SLC25A16: variants seen among roughly 807,000 people sequenced by gnomAD.
SLC25A16 encodes mitochondrial coenzyme A transporter SLC25A16.
In SLC25A16, 39 loss-of-function variants were observed where a neutral mutation model predicts 41.5. The observed-to-expected ratio is 0.94, with a 90% CI of 0.73 to 1.23. The LOEUF (loss-of-function observed/expected upper bound fraction) is 1.23. Among genes scored for constraint, SLC25A16 ranks in the 50% most tolerant of loss-of-function variants. The pLI is 0.00. For missense variants in SLC25A16, 421 were observed against 426.9 expected, an observed-to-expected ratio of 0.99 and a Z score of 0.12; for synonymous variants, 146 against 147.8, an observed-to-expected ratio of 0.99 and a Z score of 0.09.
Position 68,499,906 on chromosome 10 carries a change from C to T in SLC25A16, c.421+3726G>A, listed in dbSNP as rs147751681. On this transcript the variant is annotated intron_variant, in intron 4 of 8. Transcript: ENST00000609923. ...GATTCCTGAACAGAAAGCCAAATCT[C>T]GCCAAGTAGGAAAGGAAAAGGGCAA... 75 of 578,798 alleles carry T rather than the reference C, an allele frequency of 1.3e-4. No homozygotes were observed. The East Asian group carries it at 1.7e-3, about 13-fold the overall frequency. The allele number at this position is 578,798 out of a possible 1,614,324, so 35.9% of individuals were successfully genotyped here.
At position 68,488,505 on chromosome 10, in the gene SLC25A16, A is replaced by T; in HGVS notation, c.735T>A (p.Leu245=). The T allele has an allele frequency of 1.3e-6, 2 of 1,570,448 alleles. No individual in the cohort carries two copies. Among genetic ancestry groups the T allele is most frequent in the Non-Finnish European group, 1.7e-6 (2 of 1,167,448 alleles). ...VLVLKTHVNL[L]CGGVAGAIAQ... ...CTATTGCTCCAGCAACACCACCACA[A>T]AGTAAGTTTACATGAGTTTTCAAAA... Residue 245 remains leucine (L), a synonymous_variant, in exon 7 of 9, where the codon CTT becomes CTA. Transcript: ENST00000609923.
In SLC25A16 at chr10:68,479,958, C is replaced by A. The variant is rs1337309582; in HGVS notation, c.*3474G>T. 6.6e-6 allele frequency: 1 copy of A among 151,370 alleles called. No individual in the cohort carries two copies. The highest frequency in any genetic ancestry group is 2.4e-5 in the African/African-American group (1 of 41,092). The allele number at this position is 151,370 out of a possible 1,614,324, so 9.4% of individuals were successfully genotyped here. ...ACCCGGAGGTGGAGATTGCAGTGAGCCGAGATTGCACCACTGCACTCCAGC... is the reference window on the plus strand; with the variant it reads ...ACCCGGAGGTGGAGATTGCAGTGAGACGAGATTGCACCACTGCACTCCAGC... On this transcript the variant is annotated 3_prime_UTR_variant, in exon 9 of 9. Coordinates refer to ENST00000609923, the MANE Select transcript of SLC25A16 (RefSeq NM_152707.4).
At chr10:68,490,360 G>C (rs1043525361) in intron 6 of SLC25A16, among the ~76,000 whole-genome samples, 2 of 127,518 alleles carry the variant, frequency 1.6e-5, no homozygotes, top group African/African-American at 5.8e-5. Context: ...TTTTTTTTTT[G>C]AAACAGAGTT....
intron 2 of SLC25A16, among the ~76,000 whole-genome samples, chr10:68,516,164 G>T (rs1294116115): frequency 6.6e-6 from 1 of 151,926 alleles, no homozygotes; most frequent in Non-Finnish European, 1.5e-5. Context: ...TTTATTTTTT[G>T]CAGAAAGGGT....
intron 4 of SLC25A16, among the ~76,000 whole-genome samples, chr10:68,502,744 G>C (rs990869665): frequency 8.5e-6 from 1 of 118,250 alleles, no homozygotes; most frequent in Non-Finnish European, 1.8e-5. Context: ...AAAAAGGAGA[G>C]GAGAGGAGAG....
chr10:68,497,947 C>T (rs889650711), intron 4 of SLC25A16, among the ~76,000 whole-genome samples: 2 of 151,954 alleles, frequency 1.3e-5, no homozygotes, highest in Non-Finnish European at 2.9e-5. Context: ...CATTGTGTTG[C>T]CCAGGCTAGT....
chr10:68,486,264 ATAT>A (rs2052561708), intron 8 of SLC25A16, among the ~76,000 whole-genome samples: 1 of 147,664 alleles, frequency 6.8e-6, no homozygotes, highest in South Asian at 2.1e-4. Context: ...CTCTAAAATA[ATAT>A]TTTTTTTTAT....
chr10:68,497,600 A>G (rs1308990406), intron 4 of SLC25A16, among the ~76,000 whole-genome samples: 2 of 149,806 alleles, frequency 1.3e-5, no homozygotes, highest in African/African-American at 4.9e-5. Flanking sequence ...TCTTACTTCT[A>G]ACATCTTTTT....
At chr10:68,507,733 A>G (rs1037160244) in intron 2 of SLC25A16, among the ~76,000 whole-genome samples, 2 of 152,158 alleles carry the variant, frequency 1.3e-5, no homozygotes, top group Non-Finnish European at 2.9e-5. Flanking sequence ...TACTTCCATT[A>G]TTCAACAATT....
intron 4 of SLC25A16, among the ~76,000 whole-genome samples, chr10:68,502,261 C>T (rs530170990): frequency 3.5e-4 from 53 of 151,516 alleles, no homozygotes; most frequent in African/African-American, 1.1e-3. Flanking sequence ...TACCTTAGAA[C>T]GGGGAGAAAA....
intron 4 of SLC25A16, among the ~76,000 whole-genome samples, chr10:68,502,977 G>A (rs936046707): frequency 6.9e-6 from 1 of 145,918 alleles, no homozygotes; most frequent in African/African-American, 2.5e-5. Context: ...GGAGAGTGGA[G>A]AGGAGAGGGA....
chr10:68,527,456 A>C lies in SLC25A16; in HGVS notation c.-81T>G. 2 of 1,346,116 alleles carry C rather than the reference A, an allele frequency of 1.5e-6. No homozygotes were observed. Among genetic ancestry groups the C allele is most frequent in the African/African-American group, 1.6e-5 (1 of 64,280 alleles). 83.4% of individuals were successfully genotyped at this position (1,346,116 alleles called of 1,614,324 possible). A position where few individuals can be genotyped will look rare whatever the true frequency, so the allele number is the denominator to read the frequency against. On this transcript the variant is annotated 5_prime_UTR_variant, in exon 1 of 9. Transcript: ENST00000609923. ...GACCATAGCCGGAACAGGCGGTGAC[A>C]GGAGGCTGACCGCCCCGCCGGCGGG... is the stretch of plus-strand genomic sequence containing the variant.
Position 68,517,079 on chromosome 10 carries a change from A to T in SLC25A16, c.131-236T>A. ...ATTTTAGTAGTGTAAATCGTCATCTAATACCTGAGGAAGGCTGGGAATCTT... is the reference window on the plus strand; with the variant it reads ...ATTTTAGTAGTGTAAATCGTCATCTTATACCTGAGGAAGGCTGGGAATCTT... On this transcript the variant is annotated intron_variant, in intron 1 of 8. Transcript: ENST00000609923. The T allele has an allele frequency of 2.5e-6, 3 of 1,191,082 alleles. No homozygotes were observed. In the South Asian group the frequency reaches 9.0e-5, roughly 36 times the overall value. The allele number at this position is 1,191,082 out of a possible 1,614,324, so 73.8% of individuals were successfully genotyped here.
intron 1 of SLC25A16, among the ~76,000 whole-genome samples, chr10:68,523,531 G>A (rs1275163256): frequency 6.6e-6 from 1 of 152,114 alleles, no homozygotes; most frequent in Non-Finnish European, 1.5e-5. Context: ...GGAGTGCAGT[G>A]GAGCGATCTT....
At chr10:68,511,913 G>A (rs2053070300) in intron 2 of SLC25A16, among the ~76,000 whole-genome samples, 1 of 151,718 alleles carries the variant, frequency 6.6e-6, no homozygotes, top group African/African-American at 2.4e-5. Context: ...CTGGAGTACA[G>A]TAGCACAGTC....
chr10:68,484,844 T>A (rs1259149539), intron 8 of SLC25A16, among the ~76,000 whole-genome samples: 6 of 152,170 alleles, frequency 3.9e-5, no homozygotes, highest in Non-Finnish European at 8.8e-5. Context: ...TCAAATGGAA[T>A]GGTTCTAAAT....
chr10:68,483,420 C>A lies in SLC25A16; in HGVS notation c.*12G>T, dbSNP rs1408976375. 1 of 1,547,126 alleles carries A rather than the reference C, an allele frequency of 6.5e-7. No individual in the cohort carries two copies. The highest frequency in any genetic ancestry group is 2.3e-5 in the East Asian group (1 of 43,946). ...TGAGAATGTATTAAGAAAAACCAACCATAATTTTTTTTTAGTTGAGGTGAA... is the reference window on the plus strand; with the variant it reads ...TGAGAATGTATTAAGAAAAACCAACAATAATTTTTTTTTAGTTGAGGTGAA... On this transcript the variant is annotated 3_prime_UTR_variant, in exon 9 of 9. Transcript: ENST00000609923.
At chr10:68,502,127 A>AGT (rs1290761921) in intron 4 of SLC25A16, among the ~76,000 whole-genome samples, 1 of 14,052 alleles carries the variant, frequency 7.1e-5, no homozygotes, top group Non-Finnish European at 3.5e-4. Context: ...CCTGGGAGGC[A>AGT]GAGGTTGCAG....
At chr10:68,512,078 GTTTAAT>G (rs1450648029) in intron 2 of SLC25A16, among the ~76,000 whole-genome samples, 1 of 151,894 alleles carries the variant, frequency 6.6e-6, no homozygotes, top group Non-Finnish European at 1.5e-5. Context: ...GCTTACACAC[GTTTAAT>G]TTTGATTCTT....
Sources: gnomAD v4.1 joint callset for allele counts (sites outside exome capture counted in the v4.1 genomes callset) on GRCh38, gnomAD v4.1.1 for gene constraint, MANE v1.5 for transcripts, NCBI Gene and HGNC (gene_info 2026-07-23, HGNC 2026-07-21) for gene names.